The following SPMAP2L variants were observed in gnomAD, a reference collection of about 807,000 sequenced individuals.
SPMAP2L encodes the protein sperm microtubule associated protein 2-like.
chr4:56,600,868 T>C, the SPMAP2L span: 3 of 1,425,864 alleles, frequency 2.1e-6, no homozygotes, highest in Non-Finnish European at 2.8e-6. Context: ...AGTAGGGATA[T>C]AGCTATAGAC....
At chr4:56,556,727 G>A in the SPMAP2L span, among the ~76,000 whole-genome samples, 1 of 152,012 alleles carries the variant, frequency 6.6e-6, no homozygotes, top group African/African-American at 2.4e-5. Flanking sequence ...CAAAAAATTA[G>A]CCAGGCGTGG....
chr4:56,572,853 T>C, the SPMAP2L span, among the ~76,000 whole-genome samples: 2 of 151,970 alleles, frequency 1.3e-5, no homozygotes, highest in Non-Finnish European at 2.9e-5. Context: ...CTGTCTATAC[T>C]AAAAATACAA....
At chr4:56,543,477 A>AG in the SPMAP2L span, among the ~76,000 whole-genome samples, 1 of 152,084 alleles carries the variant, frequency 6.6e-6, no homozygotes, top group Admixed American at 6.5e-5. Flanking sequence ...TGGTCAGTTG[A>AG]GGCCAGGAGT....
chr4:56,539,715 C>G, the SPMAP2L span, among the ~76,000 whole-genome samples: 3 of 152,192 alleles, frequency 2.0e-5, no homozygotes, highest in Non-Finnish European at 2.9e-5. Context: ...AGCCACCGTG[C>G]CTGCCTTAAT....
chr4:56,614,380 T>TGCG, the SPMAP2L span, among the ~76,000 whole-genome samples: 1 of 152,010 alleles, frequency 6.6e-6, no homozygotes, highest in Non-Finnish European at 1.5e-5. Flanking sequence ...CTTGGCCGGG[T>TGCG]GTGGTGGCTC....
chr4:56,607,447 A>T, the SPMAP2L span, among the ~76,000 whole-genome samples: 5 of 152,200 alleles, frequency 3.3e-5, no homozygotes, highest in Non-Finnish European at 5.9e-5. Flanking sequence ...AGCCCAAAAA[A>T]TTGAGGCAGA....
At chr4:56,540,070 A>C in the SPMAP2L span, among the ~76,000 whole-genome samples, 16 of 152,356 alleles carry the variant, frequency 1.1e-4, no homozygotes, top group South Asian at 1.0e-3. Context: ...CTCAAGAGTT[A>C]CTGAGCTCAT....
chr4:56,557,830 A>G, the SPMAP2L span: 2 of 152,294 alleles, frequency 1.3e-5, no homozygotes, highest in East Asian at 1.9e-4. Context: ...TATTTTCTTG[A>G]TATTACTAGC....
the SPMAP2L span, among the ~76,000 whole-genome samples, chr4:56,563,186 G>A: frequency 1.4e-5 from 2 of 138,196 alleles, no homozygotes; most frequent in African/African-American, 2.7e-5. Context: ...TCTTCCTCCT[G>A]GGTTCAAGAG....
chr4:56,581,578 C>T, the SPMAP2L span, among the ~76,000 whole-genome samples: 3 of 151,410 alleles, frequency 2.0e-5, no homozygotes, highest in Non-Finnish European at 4.4e-5. Flanking sequence ...TGTGATGGTG[C>T]CACTGCACTC....
At chr4:56,593,101 G>C in the SPMAP2L span, 2 of 1,578,896 alleles carry the variant, frequency 1.3e-6, no homozygotes, top group African/African-American at 2.7e-5. Flanking sequence ...AGACGATTTT[G>C]CGGAACTTAC....
chr4:56,605,366 T>A, the SPMAP2L span, among the ~76,000 whole-genome samples: 1 of 152,172 alleles, frequency 6.6e-6, no homozygotes, highest in Admixed American at 6.5e-5. Context: ...TTGGGAGAGA[T>A]GATTTCATTA....
At chr4:56,544,585 GT>G in the SPMAP2L span, among the ~76,000 whole-genome samples, 2 of 152,086 alleles carry the variant, frequency 1.3e-5, no homozygotes, top group African/African-American at 2.4e-5. Context: ...GTTGCTCCTT[GT>G]ATAACACCAG....
the SPMAP2L span, among the ~76,000 whole-genome samples, chr4:56,590,519 T>A: frequency 2.4e-4 from 37 of 152,214 alleles, no homozygotes; most frequent in Non-Finnish European, 4.9e-4. Flanking sequence ...AGTTGTAGTA[T>A]CGAGGAAGAA....
the SPMAP2L span, among the ~76,000 whole-genome samples, chr4:56,566,695 C>CTTTTTTTTTTTTTTTTTT: frequency 5.2e-4 from 48 of 92,440 alleles, no homozygotes; most frequent in East Asian, 1.4e-3. Flanking sequence ...TTTTCTTTTT[C>CTTTTTTTTTTTTTTTTTT]TTTTTTTTTT....
the SPMAP2L span, among the ~76,000 whole-genome samples, chr4:56,567,181 C>T: frequency 6.6e-6 from 1 of 152,036 alleles, no homozygotes; most frequent in Non-Finnish European, 1.5e-5. Context: ...CTTACCATTT[C>T]CCATACTCTG....
the SPMAP2L span, among the ~76,000 whole-genome samples, chr4:56,585,553 G>A: frequency 1.3e-5 from 2 of 152,034 alleles, no homozygotes; most frequent in Non-Finnish European, 2.9e-5. Flanking sequence ...TGTTGTTCAG[G>A]CTGGTCTTGA....
At chr4:56,612,766 C>T in the SPMAP2L span, among the ~76,000 whole-genome samples, 6 of 151,780 alleles carry the variant, frequency 4.0e-5, no homozygotes, top group South Asian at 6.2e-4. Context: ...GGGGTTTCAG[C>T]ATGTTGGCCA....
the SPMAP2L span, among the ~76,000 whole-genome samples, chr4:56,563,758 C>A: frequency 6.6e-6 from 1 of 152,122 alleles, no homozygotes; most frequent in Non-Finnish European, 1.5e-5. Flanking sequence ...ACCAAAGCAT[C>A]CATAGACATT....
Sources: allele counts gnomAD v4.1 joint callset (sites outside exome capture counted in the v4.1 genomes callset), GRCh38; gene constraint gnomAD v4.1.1; transcripts MANE v1.5; gene names NCBI Gene and HGNC (gene_info 2026-07-23, HGNC 2026-07-21).